The following ANKFN1 variants were observed in gnomAD, a reference collection of about 807,000 sequenced individuals.
The protein encoded by ANKFN1 is ankyrin repeat and fibronectin type III domain containing 1.
A neutral mutation model predicts 108.7 loss-of-function variants in ANKFN1; 74 were observed. The observed-to-expected ratio is 0.68, with a 90% CI of 0.56 to 0.83. The LOEUF is 0.83. Among genes scored for constraint, ANKFN1 ranks in the 40% least tolerant of loss-of-function variants. ANKFN1 has a pLI of 0.00. For missense variants in ANKFN1, 1,505 were observed against 1,382.3 expected (o/e 1.09, Z -1.41); for synonymous variants, 547 against 516.2 (o/e 1.06, Z -0.81).
chr17:56,405,993 G>T (rs2047909477), intron 8 of ANKFN1, among the ~76,000 whole-genome samples: 1 of 152,046 alleles, frequency 6.6e-6, no homozygotes, highest in Non-Finnish European at 1.5e-5. Flanking sequence ...ATACCTTTTG[G>T]TTTTTTAACC....
In ANKFN1 at chr17:56,230,642, C is replaced by T. The variant is rs192509377; in HGVS notation, c.53+2685C>T. 7.0e-4 allele frequency among the ~76,000 whole-genome samples: 106 copies of T among 152,050 alleles called. 1 individual carries two copies. The highest frequency in any genetic ancestry group is 1.3e-3 in the Non-Finnish European group (88 of 67,972). Reference sequence around the variant, plus strand: ...ACATTCTTTCTTTTCTTTTCAACCGCTCATATTCTTTAGGACCACTGCCTC... The same window carrying T: ...ACATTCTTTCTTTTCTTTTCAACCGTTCATATTCTTTAGGACCACTGCCTC... On this transcript the variant is annotated intron_variant, in intron 3 of 20. Transcript: ENST00000682825.
intron 1 of ANKFN1, among the ~76,000 whole-genome samples, chr17:56,189,179 T>TTTTTTTTTTTTTTGTTTTTG (rs1244013476): frequency 9.9e-5 from 11 of 111,378 alleles, no homozygotes; most frequent in East Asian, 2.9e-4. Flanking sequence ...ACTTTTTTTT[T>TTTTTTTTTTTTTTGTTTTTG]TTTTTTTTTG....
At chr17:56,104,961 G>A (rs1328880985) in intron 4 of ANKFN1, among the ~76,000 whole-genome samples, 1 of 152,152 alleles carries the variant, frequency 6.6e-6, no homozygotes, top group East Asian at 1.9e-4. Flanking sequence ...TGAGTGAGAG[G>A]TGATCTTTGC....
At chr17:56,383,111 G>A (rs1204523709) in intron 8 of ANKFN1, among the ~76,000 whole-genome samples, 1 of 152,254 alleles carries the variant, frequency 6.6e-6, no homozygotes, top group East Asian at 1.9e-4. Flanking sequence ...TAAAAGAATA[G>A]AAATTATAAC....
intron 7 of ANKFN1, among the ~76,000 whole-genome samples, chr17:56,373,659 A>G (rs932037403): frequency 5.9e-5 from 9 of 152,224 alleles, no homozygotes; most frequent in South Asian, 2.1e-4. Context: ...TCTTAAGTAC[A>G]CTAAATACCA....
At chr17:56,315,009 GC>G (rs1295951311) in intron 3 of ANKFN1, among the ~76,000 whole-genome samples, 1 of 152,162 alleles carries the variant, frequency 6.6e-6, no homozygotes, top group Non-Finnish European at 1.5e-5. Flanking sequence ...ATGCTGCCGA[GC>G]TCGAAATAAG....
At chr17:56,450,318 G>C (rs967465986) in intron 11 of ANKFN1, among the ~76,000 whole-genome samples, 1 of 152,170 alleles carries the variant, frequency 6.6e-6, no homozygotes, top group Non-Finnish European at 1.5e-5. Context: ...CTGAGTTTGA[G>C]CTTGCTATAG....
In ANKFN1 at chr17:56,498,457, A is replaced by C. The variant is rs16957322; in HGVS notation, c.2428-425A>C. On this transcript the variant is annotated intron_variant, in intron 19 of 20. Transcript: ENST00000682825. ...ATAATAACCCTTTATATGTATGAGC[A>C]ATGTACCCTGAGGCATCACAAAGCA... 5.7e-3 allele frequency among the ~76,000 whole-genome samples: 875 copies of C among 152,290 alleles called. 9 individuals are homozygous for C. The highest frequency in any genetic ancestry group is 0.02 in the African/African-American group (840 of 41,562).
intron 3 of ANKFN1, among the ~76,000 whole-genome samples, chr17:56,263,854 C>T (rs551962907): frequency 1.3e-5 from 2 of 152,180 alleles, no homozygotes; most frequent in African/African-American, 4.8e-5. Flanking sequence ...GTACCTTAAC[C>T]TCCATCCCAA....
At chr17:56,203,604 A>G (rs1283579654) in intron 1 of ANKFN1, among the ~76,000 whole-genome samples, 1 of 152,238 alleles carries the variant, frequency 6.6e-6, no homozygotes, top group Non-Finnish European at 1.5e-5. Flanking sequence ...AACAGTTTCC[A>G]GAGTCTTGCC....
intron 4 of ANKFN1, among the ~76,000 whole-genome samples, chr17:56,334,722 A>G (rs184809918): frequency 6.6e-6 from 1 of 152,250 alleles, no homozygotes; most frequent in East Asian, 1.9e-4. Flanking sequence ...TTAAAAAGTC[A>G]AAACATAAAT....
At chr17:56,047,676 C>T (rs1289836093) in intron 4 of ANKFN1, among the ~76,000 whole-genome samples, 1 of 152,114 alleles carries the variant, frequency 6.6e-6, no homozygotes, top group Non-Finnish European at 1.5e-5. Flanking sequence ...CCCTCCCTGC[C>T]CCCACCATGA....
At chr17:56,288,287 A>G (rs1013591729) in intron 3 of ANKFN1, among the ~76,000 whole-genome samples, 2 of 152,206 alleles carry the variant, frequency 1.3e-5, no homozygotes, top group African/African-American at 4.8e-5. Flanking sequence ...AAATAAGATG[A>G]GTTAAATATA....
intron 3 of ANKFN1, among the ~76,000 whole-genome samples, chr17:56,257,776 G>T (rs1470012353): frequency 6.6e-6 from 1 of 152,178 alleles, no homozygotes. Context: ...AAAACAGGTT[G>T]CCATAGGTTT....
intron 4 of ANKFN1, among the ~76,000 whole-genome samples, chr17:56,055,017 G>A (rs1904842597): frequency 6.6e-6 from 1 of 151,500 alleles, no homozygotes; most frequent in African/African-American, 2.4e-5. Flanking sequence ...ACTGATCAGG[G>A]TGGTGGTTGT....
chr17:56,401,736 G>T (rs1288206275), intron 8 of ANKFN1, among the ~76,000 whole-genome samples: 1 of 151,992 alleles, frequency 6.6e-6, no homozygotes, highest in Non-Finnish European at 1.5e-5. Context: ...ATGTTGAAGA[G>T]GAGTGGTGAG....
intron 14 of ANKFN1, chr17:56,463,922 T>G (rs528720432): frequency 6.6e-6 from 1 of 152,320 alleles, no homozygotes; most frequent in East Asian, 1.9e-4. Flanking sequence ...GCCTAGGGCT[T>G]ATTGACAGCC....
intron 18 of ANKFN1, among the ~76,000 whole-genome samples, chr17:56,486,501 A>G (rs1421310140): frequency 1.3e-5 from 2 of 152,228 alleles, no homozygotes; most frequent in Admixed American, 1.3e-4. Flanking sequence ...GAGCTTTCCA[A>G]GAGGAAGTTT....
At chr17:56,182,710 A>C (rs1475195404) in intron 1 of ANKFN1, among the ~76,000 whole-genome samples, 1 of 152,230 alleles carries the variant, frequency 6.6e-6, no homozygotes, top group Non-Finnish European at 1.5e-5. Flanking sequence ...ACCAAACAAC[A>C]GATTTTCAAT....
Sources: allele counts gnomAD v4.1 joint callset (sites outside exome capture counted in the v4.1 genomes callset), GRCh38; gene constraint gnomAD v4.1.1; transcripts MANE v1.5; gene names NCBI Gene and HGNC (gene_info 2026-07-23, HGNC 2026-07-21).